The following NXPE4 variants were observed in gnomAD, a reference collection of about 807,000 sequenced individuals.
NXPE4 encodes NXPE family member 4.
NXPE4 carries 42 observed loss-of-function variants against 33.3 expected under a neutral mutation model. That is an observed-to-expected ratio of 1.26 (90% CI 0.98 to 1.63). The LOEUF (loss-of-function observed/expected upper bound fraction) is 1.63. NXPE4 is among the 40% of genes most tolerant of loss of function. The pLI, the probability that NXPE4 is intolerant of heterozygous loss-of-function variation, is 0.00. For synonymous variants in NXPE4, 253 were observed against 234.9 expected (o/e 1.08, Z -0.71); for missense variants, 709 against 647.6 (o/e 1.09, Z -1.03).
chr11:114,578,561 C>A (rs1949066695), intron 5 of NXPE4, among the ~76,000 whole-genome samples: 1 of 152,144 alleles, frequency 6.6e-6, no homozygotes, highest in Non-Finnish European at 1.5e-5. Context: ...TTTCTTATAA[C>A]TTAGAACTAA....
the NXPE4 span, among the ~76,000 whole-genome samples, chr11:114,653,926 C>T: frequency 6.6e-6 from 1 of 152,022 alleles, no homozygotes; most frequent in African/African-American, 2.4e-5. Flanking sequence ...AGAGGAAGTT[C>T]CCATGATGTC....
intron 5 of NXPE4, among the ~76,000 whole-genome samples, chr11:114,574,590 G>C (rs1486313520): frequency 2.0e-5 from 3 of 151,944 alleles, no homozygotes; most frequent in Non-Finnish European, 4.4e-5. Context: ...ACATAAACTA[G>C]AAAACCTAGA....
the NXPE4 span, among the ~76,000 whole-genome samples, chr11:114,677,386 G>A: frequency 6.6e-6 from 1 of 151,992 alleles, no homozygotes; most frequent in African/African-American, 2.4e-5. Flanking sequence ...ATTATACACT[G>A]TAAACACATA....
At chr11:114,673,542 T>C in the NXPE4 span, among the ~76,000 whole-genome samples, 1 of 151,348 alleles carries the variant, frequency 6.6e-6, no homozygotes, top group Non-Finnish European at 1.5e-5. Context: ...AAAAAGTCCT[T>C]TCAAAAGACC....
the NXPE4 span, among the ~76,000 whole-genome samples, chr11:114,639,545 A>G: frequency 3.3e-5 from 5 of 151,194 alleles, no homozygotes; most frequent in South Asian, 6.2e-4. Context: ...TGCAGAAATT[A>G]GCTGTCTTCT....
At chr11:114,588,462 T>G (rs1199186328) in intron 2 of NXPE4, among the ~76,000 whole-genome samples, 1 of 152,128 alleles carries the variant, frequency 6.6e-6, no homozygotes, top group Admixed American at 6.6e-5. Context: ...AAACCCTAAC[T>G]GCAGCTGAAA....
the NXPE4 span, among the ~76,000 whole-genome samples, chr11:114,617,387 A>T: frequency 1.3e-5 from 2 of 152,186 alleles, no homozygotes; most frequent in South Asian, 2.1e-4. Flanking sequence ...TACCCGGTAG[A>T]TAATAAGTAT....
intron 5 of NXPE4, among the ~76,000 whole-genome samples, chr11:114,572,335 C>A (rs4564376): frequency 0.21 from 31,592 of 152,066 alleles, 4,339 homozygotes; most frequent in African/African-American, 0.38. Flanking sequence ...AAAGACCATA[C>A]CAGTTCACCA....
the NXPE4 span, among the ~76,000 whole-genome samples, chr11:114,659,726 G>A: frequency 1.8e-4 from 27 of 151,780 alleles, no homozygotes; most frequent in Non-Finnish European, 2.8e-4. Flanking sequence ...AAAGAACAAA[G>A]GTCTAAAATC....
chr11:114,576,178 C>T (rs1948990513), intron 5 of NXPE4, among the ~76,000 whole-genome samples: 1 of 152,148 alleles, frequency 6.6e-6, no homozygotes, highest in Admixed American at 6.5e-5. Flanking sequence ...ATCCTCATCT[C>T]TTACCTTATA....
At chr11:114,609,163 T>C in the NXPE4 span, among the ~76,000 whole-genome samples, 6 of 144,584 alleles carry the variant, frequency 4.1e-5, no homozygotes, top group African/African-American at 1.0e-4. Flanking sequence ...CACTGTTACC[T>C]GGTGGATGAT....
chr11:114,613,527 G>A, the NXPE4 span, among the ~76,000 whole-genome samples: 6 of 151,624 alleles, frequency 4.0e-5, no homozygotes, highest in Non-Finnish European at 5.9e-5. Context: ...TTGCTTCGTG[G>A]GTAATCACTG....
intron 2 of NXPE4, among the ~76,000 whole-genome samples, chr11:114,589,961 G>A (rs1949406809): frequency 6.6e-6 from 1 of 152,126 alleles, no homozygotes; most frequent in Admixed American, 6.5e-5. Flanking sequence ...GGAACTAAAT[G>A]GTTTACAGTC....
the NXPE4 span, among the ~76,000 whole-genome samples, chr11:114,636,664 C>G: frequency 1.3e-5 from 2 of 151,950 alleles, no homozygotes; most frequent in Non-Finnish European, 2.9e-5. Flanking sequence ...TACGTTGTGT[C>G]TTTGTTCTCA....
the NXPE4 span, among the ~76,000 whole-genome samples, chr11:114,640,972 A>G: frequency 6.6e-6 from 1 of 152,082 alleles, no homozygotes; most frequent in Non-Finnish European, 1.5e-5. Flanking sequence ...TAGAGCAAGA[A>G]TTAGAATTAA....
At chr11:114,677,184 G>A in the NXPE4 span, among the ~76,000 whole-genome samples, 2 of 151,986 alleles carry the variant, frequency 1.3e-5, no homozygotes, top group Non-Finnish European at 2.9e-5. Context: ...GGATGAATAA[G>A]TTCTAGAGAT....
chr11:114,670,039 T>C, the NXPE4 span, among the ~76,000 whole-genome samples: 2 of 151,980 alleles, frequency 1.3e-5, no homozygotes, highest in East Asian at 1.9e-4. Flanking sequence ...CACAAAGACA[T>C]AGCTAGGTAG....
chr11:114,640,595 TCAC>T, the NXPE4 span, among the ~76,000 whole-genome samples: 480 of 152,104 alleles, frequency 3.2e-3, 5 homozygotes, highest in African/African-American at 0.011. Context: ...TGTTCCCTTT[TCAC>T]CACATCTTCA....
chr11:114,627,295 A>G, the NXPE4 span, among the ~76,000 whole-genome samples: 1 of 152,132 alleles, frequency 6.6e-6, no homozygotes, highest in Non-Finnish European at 1.5e-5. Flanking sequence ...CTCAAAGGGA[A>G]GCCCATCAGA....
Sources: gnomAD v4.1 joint callset for allele counts (sites outside exome capture counted in the v4.1 genomes callset) on GRCh38, gnomAD v4.1.1 for gene constraint, MANE v1.5 for transcripts, NCBI Gene and HGNC (gene_info 2026-07-23, HGNC 2026-07-21) for gene names.